Variants in CTNND2 observed in about 807,000 individuals in gnomAD.
CTNND2 encodes catenin delta 2, also known as catenin delta-2.
Under a neutral mutation model 144.4 loss-of-function variants are expected in CTNND2, and 22 were observed. That is an observed-to-expected ratio of 0.15 (90% CI 0.11 to 0.22). The LOEUF (loss-of-function observed/expected upper bound fraction) is 0.22. Among genes scored for constraint, CTNND2 ranks in the 10% least tolerant of loss-of-function variants. The pLI is 1.00. For synonymous variants in CTNND2, 751 were observed against 695.6 expected (o/e 1.08, Z -1.25); for missense variants, 1,353 against 1,618.8 (o/e 0.84, Z 2.82).
At chr5:11,820,226 C>T (rs1480375304) in intron 1 of CTNND2, among the ~76,000 whole-genome samples, 1 of 152,180 alleles carries the variant, frequency 6.6e-6, no homozygotes, top group Non-Finnish European at 1.5e-5. Flanking sequence ...CCTGTTCTAA[C>T]TGCACATTCC....
At chr5:11,555,745 G>A (rs560746875) in intron 3 of CTNND2, among the ~76,000 whole-genome samples, 2 of 152,038 alleles carry the variant, frequency 1.3e-5, no homozygotes, top group Non-Finnish European at 2.9e-5. Flanking sequence ...GAATAAAGGG[G>A]TTATGACAAG....
intron 1 of CTNND2, among the ~76,000 whole-genome samples, chr5:11,884,379 T>G (rs1369246077): frequency 6.6e-6 from 1 of 152,170 alleles, no homozygotes; most frequent in African/African-American, 2.4e-5. Context: ...GGGTCCAGTT[T>G]CAGTTTCCTA....
intron 2 of CTNND2, among the ~76,000 whole-genome samples, chr5:11,725,763 A>G (rs1358113833): frequency 6.6e-6 from 1 of 152,240 alleles, no homozygotes; most frequent in East Asian, 1.9e-4. Context: ...ATGTTTTACA[A>G]AAATATGTAA....
intron 11 of CTNND2, among the ~76,000 whole-genome samples, chr5:11,173,950 G>C (rs1349476098): frequency 1.3e-5 from 2 of 152,148 alleles, no homozygotes; most frequent in East Asian, 3.9e-4. Context: ...AAAAGAAGTG[G>C]GCAGGCAAGG....
intron 1 of CTNND2, among the ~76,000 whole-genome samples, chr5:11,790,867 G>C (rs1791093866): frequency 6.6e-6 from 1 of 152,196 alleles, no homozygotes; most frequent in Non-Finnish European, 1.5e-5. Context: ...GTATTCCCCA[G>C]ATAGATACGT....
At chr5:11,536,808 T>C (rs1277358359) in intron 3 of CTNND2, among the ~76,000 whole-genome samples, 1 of 152,080 alleles carries the variant, frequency 6.6e-6, no homozygotes, top group East Asian at 1.9e-4. Context: ...CACCAAAATC[T>C]CAGAAATCAC....
intron 2 of CTNND2, among the ~76,000 whole-genome samples, chr5:11,724,757 T>C (rs1195424903): frequency 6.6e-6 from 1 of 152,248 alleles, no homozygotes; most frequent in Admixed American, 6.5e-5. Flanking sequence ...TAGACTTTTA[T>C]GTAATTTTAA....
At chr5:11,060,465 C>G (rs942302794) in intron 16 of CTNND2, among the ~76,000 whole-genome samples, 7 of 152,032 alleles carry the variant, frequency 4.6e-5, no homozygotes, top group African/African-American at 1.7e-4. Flanking sequence ...TGTGACCATT[C>G]GGAATAATAA....
chr5:11,886,177 T>C (rs776720015), intron 1 of CTNND2, among the ~76,000 whole-genome samples: 4 of 151,822 alleles, frequency 2.6e-5, no homozygotes, highest in Non-Finnish European at 5.9e-5. Context: ...GGAGCAGAAA[T>C]AAATGAAACT....
At chr5:11,350,110 T>A (rs971692633) in intron 8 of CTNND2, among the ~76,000 whole-genome samples, 2 of 152,104 alleles carry the variant, frequency 1.3e-5, no homozygotes, top group Admixed American at 1.3e-4. Flanking sequence ...GCACTCCAGC[T>A]TGGGTGGCAG....
intron 3 of CTNND2, among the ~76,000 whole-genome samples, chr5:11,436,167 A>G (rs770994008): frequency 1.3e-5 from 2 of 151,828 alleles, no homozygotes; most frequent in Non-Finnish European, 2.9e-5. Flanking sequence ...AGGAATATAC[A>G]CTGTTGTTTG....
Position 11,645,609 on chromosome 5 carries a change from C to T in CTNND2, c.175-80553G>A, listed in dbSNP as rs2561605. ...AATAATCATTATAGCCTTTCAACAACTGAGAACCACTGTTAGTGCAATAAT... is the reference window on the plus strand; with the variant it reads ...AATAATCATTATAGCCTTTCAACAATTGAGAACCACTGTTAGTGCAATAAT... On this transcript the variant is annotated intron_variant, in intron 2 of 21. Transcript: ENST00000304623. Among the ~76,000 whole-genome samples, 383 of 152,206 alleles carry T rather than the reference C, an allele frequency of 2.5e-3. 1 individual carries two copies. Among genetic ancestry groups the T allele is most frequent in the African/African-American group, 8.7e-3 (361 of 41,532 alleles).
At chr5:11,152,628 G>C (rs1757845101) in intron 12 of CTNND2, among the ~76,000 whole-genome samples, 1 of 152,146 alleles carries the variant, frequency 6.6e-6, no homozygotes, top group Non-Finnish European at 1.5e-5. Context: ...GAAATGTTGG[G>C]GTTGCACCAC....
intron 3 of CTNND2, among the ~76,000 whole-genome samples, chr5:11,481,102 A>G (rs1387992477): frequency 6.6e-6 from 1 of 152,218 alleles, no homozygotes; most frequent in Non-Finnish European, 1.5e-5. Flanking sequence ...ATCAACACTC[A>G]TAAACCCATT....
Position 11,451,543 on chromosome 5 carries a change from G to C in CTNND2, c.288-39474C>G, listed in dbSNP as rs529837898. On this transcript the variant is annotated intron_variant, in intron 3 of 21. Coordinates refer to ENST00000304623, the MANE Select transcript of CTNND2 (RefSeq NM_001332.4). ...CTCCTTGGAGCATTTTGGATTTCTG[G>C]ATTTGCAATGCTCCACTGGTAAGTA... 2.6e-5 allele frequency among the ~76,000 whole-genome samples: 4 copies of C among 152,228 alleles called. No homozygotes were observed. The East Asian group carries it at 7.7e-4, about 29-fold the overall frequency.
intron 2 of CTNND2, among the ~76,000 whole-genome samples, chr5:11,584,864 A>T (rs1778719651): frequency 6.6e-6 from 1 of 152,184 alleles, no homozygotes; most frequent in Non-Finnish European, 1.5e-5. Context: ...ATGATTCTGT[A>T]AAAAATCCAG....
In CTNND2 at chr5:11,624,629, TC is replaced by T. The variant is rs556621646; in HGVS notation, c.175-59574del. ...GGAGACCTGAATAGAGCAGTAACATTCAGAAAAATTAACTTTTATCAAGAGT... is the reference window on the plus strand; with the variant it reads ...GGAGACCTGAATAGAGCAGTAACATTAGAAAAATTAACTTTTATCAAGAGT... On this transcript the variant is annotated intron_variant, in intron 2 of 21. Transcript: ENST00000304623. Among the ~76,000 whole-genome samples, 28 of 152,248 alleles carry T rather than the reference TC, an allele frequency of 1.8e-4. No homozygotes were observed. In the East Asian group the frequency reaches 5.4e-3, roughly 29 times the overall value.
At chr5:11,606,056 G>A (rs1467520316) in intron 2 of CTNND2, among the ~76,000 whole-genome samples, 3 of 152,142 alleles carry the variant, frequency 2.0e-5, no homozygotes, top group South Asian at 2.1e-4. Flanking sequence ...GGCAAGAGAC[G>A]AGACAGAATA....
At chr5:10,974,801 A>AGAT (rs1736246290) in intron 21 of CTNND2, among the ~76,000 whole-genome samples, 1 of 152,250 alleles carries the variant, frequency 6.6e-6, no homozygotes, top group Non-Finnish European at 1.5e-5. Context: ...CTTAGTTAAT[A>AGAT]GATAATGATT....
Sources: allele counts gnomAD v4.1 joint callset (sites outside exome capture counted in the v4.1 genomes callset), GRCh38; gene constraint gnomAD v4.1.1; transcripts MANE v1.5; gene names NCBI Gene and HGNC (gene_info 2026-07-23, HGNC 2026-07-21).